HAP1: variants seen among roughly 807,000 people sequenced by gnomAD.
The protein encoded by HAP1 is huntingtin-associated protein 1.
HAP1 carries 59 observed loss-of-function variants against 60.3 expected under a neutral mutation model. The ratio of observed to expected loss-of-function variants is 0.98; its 90% CI spans 0.79 to 1.22. The LOEUF (loss-of-function observed/expected upper bound fraction) is 1.22. HAP1 is among the 50% of genes most tolerant of loss of function. The pLI is 0.00. For missense variants in HAP1, 825 were observed against 785.3 expected (o/e 1.05, Z -0.60); for synonymous variants, 346 against 330.6 (o/e 1.05, Z -0.50).
Position 41,734,233 on chromosome 17 carries a change from G to A in HAP1, c.402C>T (p.Ala134=). 1 of 1,600,376 alleles carries A rather than the reference G, an allele frequency of 6.2e-7. No homozygotes were observed. The highest frequency in any genetic ancestry group is 2.3e-5 in the East Asian group (1 of 44,424). ...ACACCCCGGGTCGCCGGCCAACGTA[G>A]GCGGCTGGCGTCTTCCAGATGCCCG... ...KAAGIWKTPA[A]YVGRRPGVSG... Residue 134 remains alanine, a synonymous_variant, in exon 1 of 11, where the codon GCC becomes GCT. Transcript: ENST00000347901.
rs552405442 is a variant in HAP1, at chr17:41,725,791, G to C, written c.1406+68C>G. The C allele has an allele frequency of 2.8e-5, 33 of 1,195,372 alleles. No individual in the cohort carries two copies. The African/African-American group carries it at 3.0e-4, about 11-fold the overall frequency. 74.0% of individuals were successfully genotyped at this position (1,195,372 alleles called of 1,614,324 possible). A position where few individuals can be genotyped will look rare whatever the true frequency, so the allele number is the denominator to read the frequency against. Reference sequence around the variant, plus strand: ...CCGGAGTTGCAGGGTGGCAGAACCAGAGGCAGGTGGGCTGTCTGGCTGCTG... The same window carrying C: ...CCGGAGTTGCAGGGTGGCAGAACCACAGGCAGGTGGGCTGTCTGGCTGCTG... On this transcript the variant is annotated intron_variant, in intron 10 of 10. Coordinates refer to ENST00000347901, the MANE Select transcript of HAP1 (RefSeq NM_177977.3).
intron 9 of HAP1, among the ~76,000 whole-genome samples, 196 bp downstream of exon 9, chr17:41,726,857 C>T (rs1363763854): frequency 3.4e-5 from 5 of 147,852 alleles, no homozygotes; most frequent in Non-Finnish European, 7.4e-5. Context: ...AGCAAGACTC[C>T]ATCTCAAAAA....
In HAP1 at chr17:41,724,749, C is replaced by CTTT. The variant is rs1555588157; in HGVS notation, c.1811_1812insAAA (p.Gly604_Ala605insLys). ...TTGTCCGGCTGGCGGCAGGGAGGGC[C>CTTT]CCGTGGGGGCACTCACCTTTCTGGA... On this transcript the variant is annotated inframe_insertion, in exon 11 of 11. Coordinates refer to ENST00000347901, the MANE Select transcript of HAP1 (RefSeq NM_177977.3). The CTTT allele has an allele frequency of 6.2e-7, 1 of 1,600,118 alleles. No homozygotes were observed. Among genetic ancestry groups the CTTT allele is most frequent in the Non-Finnish European group, 8.6e-7 (1 of 1,169,320 alleles).
intron 9 of HAP1, among the ~76,000 whole-genome samples, chr17:41,726,704 A>C (rs1225563586): frequency 6.6e-6 from 1 of 152,004 alleles, no homozygotes; most frequent in Non-Finnish European, 1.5e-5. Flanking sequence ...CTCTACTAAA[A>C]ATACAAAAAG....
intron 9 of HAP1, among the ~76,000 whole-genome samples, chr17:41,726,678 C>T (rs1911660324): frequency 6.6e-6 from 1 of 151,730 alleles, no homozygotes; most frequent in Admixed American, 6.6e-5. Flanking sequence ...GCCTGGCCAA[C>T]AGGGTGAAAC....
chr17:41,732,798 G>A lies in HAP1; in HGVS notation c.470C>T (p.Ala157Val). 1 of 1,590,424 alleles carries A rather than the reference G, an allele frequency of 6.3e-7. No individual in the cohort carries two copies. Among genetic ancestry groups the A allele is most frequent in the Non-Finnish European group, 8.6e-7 (1 of 1,158,570 alleles). The stretch of plus-strand genomic sequence containing the variant: ...TGGCGGAGGTAGGTTAGGACACAGT[G>A]CTGCAGGAGGCGGCAGGTGGGGAGA... ...RAAFIRELEE[A>V]LCPNLPPPVK... The change falls in exon 2 of 11, where the codon GCA (alanine) becomes GTA (valine). Residue 157 changes from alanine (A) to valine (V), a missense_variant and splice_region_variant. Ala to Val is a moderately conservative substitution (Grantham distance 64, BLOSUM62 0). Transcript: ENST00000347901.
In HAP1 at chr17:41,734,410, TCCAGCCTCCGAGGCC is replaced by T; in HGVS notation, c.210_224del (p.Ser72_Ala76del). 6.2e-7 allele frequency: 1 copy of T among 1,607,930 alleles called. No individual in the cohort carries two copies. On this transcript the variant is annotated inframe_deletion, in exon 1 of 11. Coordinates refer to ENST00000347901, the MANE Select transcript of HAP1 (RefSeq NM_177977.3). ...ACGGGCGCCGGGCTCCTGCCTTGGCTCCAGCCTCCGAGGCCGGGCGAGCTCCGGTGCGGGCTTCCG... is the reference window on the plus strand; with the variant it reads ...ACGGGCGCCGGGCTCCTGCCTTGGCTGGGCGAGCTCCGGTGCGGGCTTCCG...
downstream of HAP1, among the ~76,000 whole-genome samples, chr17:41,720,180 C>A (rs8066552): frequency 1.3e-5 from 2 of 148,860 alleles, no homozygotes; most frequent in African/African-American, 5.0e-5. Context: ...TGAGCCACCG[C>A]GCCCAGCTTT....
intron 1 of HAP1, among the ~76,000 whole-genome samples, chr17:41,733,627 C>T (rs1912444749): frequency 6.6e-6 from 1 of 152,064 alleles, no homozygotes. Flanking sequence ...GATTAGGAGA[C>T]ACTCGAGCCT....
intron 8 of HAP1, chr17:41,727,560 G>C: frequency 1.5e-6 from 1 of 680,102 alleles, no homozygotes; most frequent in Non-Finnish European, 2.7e-6. Flanking sequence ...GGGACCCAGG[G>C]CAGGTCCCTG....
chr17:41,727,905 C>A, intron 7 of HAP1, 69 bp from the exon 8 acceptor site: 1 of 951,760 alleles, frequency 1.1e-6, no homozygotes. Flanking sequence ...CTGCTTCCAG[C>A]AAGTCTTCCC....
In HAP1 at chr17:41,732,776, C is replaced by T. The variant is rs781977379; in HGVS notation, c.492G>A (p.Pro164=). The part of the protein sequence containing the change: ...LEEALCPNLP[P]PVKKITQEDV... The stretch of plus-strand genomic sequence containing the variant: ...CTTCCTGGGTGATCTTTTTGACTGG[C>T]GGAGGTAGGTTAGGACACAGTGCTG... Residue 164 remains proline, a synonymous_variant, in exon 2 of 11, where the codon CCG becomes CCA. Coordinates refer to ENST00000347901, the MANE Select transcript of HAP1 (RefSeq NM_177977.3). 5 of 1,612,206 alleles carry T rather than the reference C, an allele frequency of 3.1e-6. No homozygotes were observed. Among genetic ancestry groups the T allele is most frequent in the South Asian group, 2.2e-5 (2 of 91,052 alleles).
At chr17:41,718,168 C>G, downstream of HAP1, 1 of 323,708 alleles carries the variant, frequency 3.1e-6, no homozygotes, top group Non-Finnish European at 6.8e-6. Context: ...ACGGCCATAC[C>G]ACCCTGAACG....
downstream of HAP1, chr17:41,717,896 G>C: frequency 2.3e-6 from 1 of 434,568 alleles, no homozygotes; most frequent in South Asian, 1.6e-5. Flanking sequence ...TGCAGGCATT[G>C]CTGGTGTCTC....
intron 6 of HAP1, among the ~76,000 whole-genome samples, chr17:41,728,550 G>A (rs931001641): frequency 2.0e-5 from 3 of 152,180 alleles, no homozygotes; most frequent in Admixed American, 6.5e-5. Flanking sequence ...AGACCCAGCC[G>A]CCACACTGAG....
chr17:41,727,217 G>A (rs918659916), intron 8 of HAP1, 73 bp from the exon 9 acceptor site: 1 of 855,140 alleles, frequency 1.2e-6, no homozygotes, highest in Non-Finnish European at 2.1e-6. Context: ...GCACAGAAGG[G>A]AACTGGGATC....
chr17:41,725,835 T>C, intron 10 of HAP1, 24 bp downstream of exon 10: 2 of 1,598,744 alleles, frequency 1.3e-6, no homozygotes, highest in Non-Finnish European at 1.7e-6. Flanking sequence ...GGGCAGGTTG[T>C]AGGGGAGCCC....
In HAP1 at chr17:41,725,062, T is replaced by C. The variant is rs1567779599; in HGVS notation, c.1499A>G (p.Glu500Gly). The change falls in exon 11 of 11, where the codon GAA (glutamate) becomes GGA (glycine). Residue 500 changes from glutamate (E) to glycine (G), a missense_variant. Transcript: ENST00000347901. ...LMLAADIMRGEDFTPAEEFVP... is the reference protein window; with the variant it reads ...LMLAADIMRGGDFTPAEEFVP... Reference sequence around the variant, plus strand: ...GAACTCCTCCGCAGGCGTGAAATCTTCCCCCCGCATGATATCCGCTGCCAG... The same window carrying C: ...GAACTCCTCCGCAGGCGTGAAATCTCCCCCCCGCATGATATCCGCTGCCAG... The C allele has an allele frequency of 1.2e-6, 2 of 1,612,032 alleles. No individual in the cohort carries two copies. The highest frequency in any genetic ancestry group is 2.2e-5 in the East Asian group (1 of 44,816).
intron 1 of HAP1, among the ~76,000 whole-genome samples, chr17:41,733,038 G>GGT (rs373828212): frequency 2.9e-4 from 31 of 107,230 alleles, no homozygotes; most frequent in South Asian, 2.0e-3. Flanking sequence ...GTTTTTTTTG[G>GGT]TTTTTTTTTT....
Sources: gnomAD v4.1 joint callset for allele counts (sites outside exome capture counted in the v4.1 genomes callset) on GRCh38, gnomAD v4.1.1 for gene constraint, MANE v1.5 for transcripts, NCBI Gene and HGNC (gene_info 2026-07-23, HGNC 2026-07-21) for gene names.